The following TYK2 variants were observed in gnomAD, a reference collection of about 807,000 sequenced individuals.
TYK2 encodes tyrosine kinase 2.
In TYK2, 65 loss-of-function variants were observed where a neutral mutation model predicts 130.9. The observed-to-expected ratio is 0.50, with a 90% CI of 0.41 to 0.61. The LOEUF is 0.61. TYK2 is among the 20% of genes least tolerant of loss of function. The probability of loss-of-function intolerance (pLI) is 0.00; values close to 1 mark genes in which losing one functional copy is unlikely to be tolerated. For missense variants in TYK2, 1,378 were observed against 1,610.7 expected, an observed-to-expected ratio of 0.86 and a Z score of 2.47; for synonymous variants, 647 against 658.9, an observed-to-expected ratio of 0.98 and a Z score of 0.28.
chr19:10,355,651 A>G (rs1401557091), intron 18 of TYK2, among the ~76,000 whole-genome samples: 2 of 149,826 alleles, frequency 1.3e-5, no homozygotes, highest in East Asian at 1.9e-4. Flanking sequence ...AAAAAAAAAA[A>G]AAAGAAAGAA....
At position 10,375,917 on chromosome 19, in the gene TYK2, T is replaced by G. The variant is rs539347912; in HGVS notation, c.193+2297A>C. Among the ~76,000 whole-genome samples, 375 of 150,668 alleles carry G rather than the reference T, an allele frequency of 2.5e-3. 3 individuals are homozygous for G. Among genetic ancestry groups the G allele is most frequent in the African/African-American group, 8.8e-3 (361 of 41,142 alleles). On this transcript the variant is annotated intron_variant, in intron 3 of 24. Coordinates refer to ENST00000525621, the MANE Select transcript of TYK2 (RefSeq NM_003331.5). ...ACTTCAGCCTGGGACAGAGCGAGACTCCATCTCAAAAAAAAGAAAAAAAGA... is the reference window on the plus strand; with the variant it reads ...ACTTCAGCCTGGGACAGAGCGAGACGCCATCTCAAAAAAAAGAAAAAAAGA...
intron 6 of TYK2, among the ~76,000 whole-genome samples, chr19:10,366,177 G>C (rs947356289): frequency 2.0e-5 from 3 of 152,014 alleles, no homozygotes; most frequent in African/African-American, 7.3e-5. Flanking sequence ...CTTGATGGTG[G>C]GCACCTGTAA....
At position 10,353,080 on chromosome 19, in the gene TYK2, C is replaced by T; in HGVS notation, c.3046G>A (p.Ala1016Thr). 1.3e-6 allele frequency: 2 copies of T among 1,549,952 alleles called. No individual in the cohort carries two copies. Among genetic ancestry groups the T allele is most frequent in the Non-Finnish European group, 1.7e-6 (2 of 1,144,680 alleles). The change falls in exon 22 of 25, where the codon GCG (alanine) becomes ACG (threonine). Residue 1016 changes from alanine (A) to threonine (T), a missense_variant. Physicochemically the swap from Ala to Thr is moderately conservative, Grantham distance 58 (BLOSUM62 0). Coordinates refer to ENST00000525621, the MANE Select transcript of TYK2 (RefSeq NM_003331.5). This position sits in a 1 kb window ranked among gnomAD's most constrained non-coding sequence, Gnocchi z 6.9. ...AGGTCTCGGTGGATGTAGTGCTGCG[C>T]GTGCAGATAGGCCATGCCCTGGGGA... ...QICEGMAYLH[A>T]QHYIHRDLAA... is the part of the protein sequence containing the mutation.
rs375562024 is a variant in TYK2 at position 10,362,521 on chromosome 19, C to T, written c.1476+28G>A. The T allele has an allele frequency of 1.9e-4, 289 of 1,556,838 alleles. No homozygotes were observed. In the Middle Eastern group the frequency reaches 2.0e-3, roughly 11 times the overall value. On this transcript the variant is annotated intron_variant, in intron 10 of 24. Coordinates refer to ENST00000525621, the MANE Select transcript of TYK2 (RefSeq NM_003331.5). The stretch of plus-strand genomic sequence containing the variant: ...ACCAGGCAGGGAACGTGTCCAGCCC[C>T]AGCCCCAGCCCCCAGCCCTGGGCTC...
chr19:10,375,731 A>C (rs1261679244), intron 3 of TYK2, among the ~76,000 whole-genome samples: 4 of 144,742 alleles, frequency 2.8e-5, no homozygotes, highest in African/African-American at 5.2e-5. Flanking sequence ...CCTGGCTAAC[A>C]CGGTGAAACC....
intron 15 of TYK2, 137 bp from the exon 16 acceptor site, chr19:10,358,275 G>T: frequency 7.4e-6 from 6 of 807,416 alleles, no homozygotes; most frequent in South Asian, 4.5e-5. Context: ...TTTGTTTTTT[G>T]GGGGGTTATT....
In TYK2 at chr19:10,361,065, T is replaced by C. The variant is rs1160256498; in HGVS notation, c.2047+446A>G. ...CCACACCTAGCCTATACAAGGAGTT[T>C]TGAGCTACCTGCAGAGGAAAGGAAG... On this transcript the variant is annotated intron_variant, in intron 14 of 24. Coordinates refer to ENST00000525621, the MANE Select transcript of TYK2 (RefSeq NM_003331.5). The surrounding 1 kb of genome is among the most constrained non-coding windows in gnomAD (Gnocchi z 4.0). 2.2e-6 allele frequency: 1 copy of C among 461,854 alleles called. No individual in the cohort carries two copies. Among genetic ancestry groups the C allele is most frequent in the Non-Finnish European group, 4.3e-6 (1 of 232,198 alleles). The allele number at this position is 461,854 out of a possible 1,614,324, so 28.6% of individuals were successfully genotyped here. A position where few individuals can be genotyped will look rare whatever the true frequency, so the allele number is the denominator to read the frequency against.
At chr19:10,355,828 G>C (rs1335592530) in intron 18 of TYK2, among the ~76,000 whole-genome samples, 1 of 151,826 alleles carries the variant, frequency 6.6e-6, no homozygotes, top group African/African-American at 2.4e-5. Flanking sequence ...CCGGCGTGGT[G>C]GTGGGCGCCT....
Position 10,350,648 on chromosome 19 carries a change from T to C in TYK2, c.*186A>G, listed in dbSNP as rs1001486399. ...ACAAATGTTGGGTCCCTCAAGATCA[T>C]GGTTAGGCTCACGGCCAAGAAAGAA... is the stretch of plus-strand genomic sequence containing the variant. On this transcript the variant is annotated 3_prime_UTR_variant, in exon 25 of 25. Transcript: ENST00000525621. 1 of 673,464 alleles carries C rather than the reference T, an allele frequency of 1.5e-6. No individual in the cohort carries two copies. Among genetic ancestry groups the C allele is most frequent in the Non-Finnish European group, 2.5e-6 (1 of 405,790 alleles). The allele number at this position is 673,464 out of a possible 1,614,324, so 41.7% of individuals were successfully genotyped here.
intron 15 of TYK2, 119 bp from the exon 16 acceptor site, chr19:10,358,257 CTTTCTGTT>C: frequency 6.4e-6 from 4 of 624,300 alleles, no homozygotes; most frequent in Non-Finnish European, 9.2e-6. Flanking sequence ...CACTGGGTTT[CTTTCTGTT>C]TTGTTTTTTG....
rs747686692 is a variant in TYK2 at position 10,359,189 on chromosome 19, C to T, written c.2161G>A (p.Ala721Thr). Residue 721 changes from alanine (A) to threonine (T), a missense_variant, in exon 15 of 25, where the codon GCC becomes ACC. Transcript: ENST00000525621. Reference protein sequence around the residue: ...KMVVAQQLASALSYLENKNLV... With the variant: ...KMVVAQQLASTLSYLENKNLV... The stretch of plus-strand genomic sequence containing the variant: ...AGGCCACACACCAGGTAGCTGAGGG[C>T]GCTGGCCAGCTGCTGGGCCACCACC... The T allele has an allele frequency of 4.4e-6, 7 of 1,603,746 alleles. No individual in the cohort carries two copies. Among genetic ancestry groups the T allele is most frequent in the South Asian group, 3.3e-5 (3 of 90,990 alleles).
At chr19:10,351,252 T>A (rs1380474296) in intron 23 of TYK2, 90 bp from the exon 24 acceptor site, 10 of 1,012,746 alleles carry the variant, frequency 9.9e-6, no homozygotes. Context: ...TTTGGAAGGC[T>A]GAGGTGGGTG....
At chr19:10,357,668 G>C in intron 17 of TYK2, 96 bp downstream of exon 17, 1 of 1,512,818 alleles carries the variant, frequency 6.6e-7, no homozygotes, top group Non-Finnish European at 9.0e-7. Flanking sequence ...AAGTCACGAG[G>C]CCAGAAGGGA....
In TYK2 at chr19:10,359,274, G is replaced by C; in HGVS notation, c.2076C>G (p.His692Gln). 6.2e-7 allele frequency: 1 copy of C among 1,611,724 alleles called. No individual in the cohort carries two copies. The highest frequency in any genetic ancestry group is 8.5e-7 in the Non-Finnish European group (1 of 1,179,910). The change falls in exon 15 of 25, where the codon CAC (histidine) becomes CAG (glutamine). Residue 692 changes from histidine (H) to glutamine (Q), a missense_variant. Physicochemically the swap from His to Gln is conservative, Grantham distance 24 (BLOSUM62 0). Coordinates refer to ENST00000525621, the MANE Select transcript of TYK2 (RefSeq NM_003331.5). ...TCCGCAGCCACACATCCAGGGGTCC[G>C]TGCTCCACGTACTCTGTCACCATGA... The part of the protein sequence containing the change: ...ENIMVTEYVE[H>Q]GPLDVWLRRE...
rs1157092509 is a variant in TYK2 at position 10,351,041 on chromosome 19, G to A, written c.3429+11C>T. On this transcript the variant is annotated intron_variant, in intron 24 of 24. Coordinates refer to ENST00000525621, the MANE Select transcript of TYK2 (RefSeq NM_003331.5). ...GATAGTGGGGTCAGGGAAAGACAAA[G>A]GAAGTCTCACCTCACAGGGACATTT... 2 of 1,614,028 alleles carry A rather than the reference G, an allele frequency of 1.2e-6. No individual in the cohort carries two copies. The highest frequency in any genetic ancestry group is 2.7e-5 in the African/African-American group (2 of 74,930).
chr19:10,369,934 C>T, intron 3 of TYK2: 1 of 330,896 alleles, frequency 3.0e-6, no homozygotes. Flanking sequence ...GTCCCAGCTA[C>T]TTGGGAGGCT....
Position 10,378,222 on chromosome 19 carries a change from T to C in TYK2, c.185A>G (p.His62Arg). 6.2e-7 allele frequency: 1 copy of C among 1,612,750 alleles called. No homozygotes were observed. The change falls in exon 3 of 25, where the codon CAT becomes CGT. Residue 62 changes from histidine to arginine, a missense_variant. His to Arg is a conservative substitution (Grantham distance 29). Transcript: ENST00000525621. ...CAACGCCCCAGACTCACCAACTTTA[T>C]GTGCAATGTGGATGCAGACTTCCTC... ...TAEEVCIHIA[H>R]KVGITPPCFN...
Position 10,365,733 on chromosome 19 carries a change from C to T in TYK2, c.795G>A (p.Arg265=). Residue 265 remains arginine (R), a synonymous_variant, in exon 7 of 25, where the codon CGG becomes CGA. Coordinates refer to ENST00000525621, the MANE Select transcript of TYK2 (RefSeq NM_003331.5). ...GCTCTGTGCCGAAGCGGGGTGCCAG[C>T]CGCTCGAGTGTGGCTAGGTATTTGA... ...VMVKYLATLE[R]LAPRFGTERV... 2 of 1,613,018 alleles carry T rather than the reference C, an allele frequency of 1.2e-6. No individual in the cohort carries two copies. Among genetic ancestry groups the T allele is most frequent in the Admixed American group, 1.7e-5 (1 of 59,974 alleles).
At position 10,361,510 on chromosome 19, in the gene TYK2, C is replaced by A. The variant is rs1568333687; in HGVS notation, c.2047+1G>T. 6.5e-7 allele frequency: 1 copy of A among 1,545,026 alleles called. No homozygotes were observed. The highest frequency in any genetic ancestry group is 8.7e-7 in the Non-Finnish European group (1 of 1,146,768). ...GGATGGGTATGGCGGGACCCACTCA[C>A]TTTCAGGGCCGCGCACACAGACGCC... On this transcript the variant is annotated splice_donor_variant, in intron 14 of 24. Transcript: ENST00000525621. LOFTEE classifies it high-confidence loss of function. The surrounding 1 kb of genome is among the most constrained non-coding windows in gnomAD (Gnocchi z 4.0).
Sources: gnomAD v4.1 joint callset for allele counts (sites outside exome capture counted in the v4.1 genomes callset) on GRCh38, gnomAD v4.1.1 for gene constraint, Gnocchi (gnomAD v3.1) non-coding constraint, MANE v1.5 for transcripts, NCBI Gene and HGNC (gene_info 2026-07-23, HGNC 2026-07-21) for gene names.